The following RAPGEF3 variants were observed in gnomAD, a reference collection of about 807,000 sequenced individuals.
RAPGEF3 encodes 9330170P05Rik.
A neutral mutation model predicts 129.8 loss-of-function variants in RAPGEF3; 103 were observed. The ratio of observed to expected loss-of-function variants is 0.79; its 90% CI spans 0.68 to 0.93. The LOEUF is 0.93. RAPGEF3 is among the 40% of genes least tolerant of loss of function. The probability of loss-of-function intolerance (pLI) is 0.00; values close to 1 mark genes in which losing one functional copy is unlikely to be tolerated. For missense variants in RAPGEF3, 1,117 were observed against 1,207.4 expected (o/e 0.93, Z 1.11); for synonymous variants, 436 against 482.6 (o/e 0.90, Z 1.26).
At chr12:47,739,878 C>T in intron 23 of RAPGEF3, 1 of 564,464 alleles carries the variant, frequency 1.8e-6, no homozygotes, top group Non-Finnish European at 3.2e-6. Context: ...GCCCAGTCTT[C>T]ACACAGGATC....
Position 47,751,032 on chromosome 12 carries a change from AGGGAT to A in RAPGEF3, c.671+11_671+15del. The A allele has an allele frequency of 6.3e-7, 1 of 1,594,192 alleles. No homozygotes were observed. Among genetic ancestry groups the A allele is most frequent in the Non-Finnish European group, 8.5e-7 (1 of 1,171,470 alleles). ...TGTGAGGCCTGGGGTCACGGGGTGC[AGGGAT>A]TCTGACTCACGGCTTTCGAAGTGCC... On this transcript the variant is annotated intron_variant, in intron 6 of 27. Coordinates refer to ENST00000449771, the MANE Select transcript of RAPGEF3 (RefSeq NM_001098531.4).
In RAPGEF3 at chr12:47,738,012, C is replaced by T; in HGVS notation, c.2653+10G>A. On this transcript the variant is annotated intron_variant, in intron 27 of 27. Transcript: ENST00000449771. Reference sequence around the variant, plus strand: ...CCCTCCCTGCCCACCCACCATCGCCCACCACTTACATGTGGAAATCCTCGC... The same window carrying T: ...CCCTCCCTGCCCACCCACCATCGCCTACCACTTACATGTGGAAATCCTCGC... 1 of 1,613,420 alleles carries T rather than the reference C, an allele frequency of 6.2e-7. No homozygotes were observed. Among genetic ancestry groups the T allele is most frequent in the Non-Finnish European group, 8.5e-7 (1 of 1,179,532 alleles).
Position 47,738,083 on chromosome 12 carries a change from TGA to T in RAPGEF3, c.2590_2591del (p.Ser864ThrfsTer45). 1 of 1,611,216 alleles carries T rather than the reference TGA, an allele frequency of 6.2e-7. No individual in the cohort carries two copies. Among genetic ancestry groups the T allele is most frequent in the East Asian group, 2.2e-5 (1 of 44,682 alleles). The stretch of plus-strand genomic sequence containing the variant: ...GGTGGGAAACTCGGCTTCTGAGTGG[TGA>T]GAGAGGCACTGCGGGGGTGGGGAGG... ...HCRSHNPVPL[S>X]PLRSRVSHLH... On this transcript the variant is annotated frameshift_variant, in exon 27 of 28. Coordinates refer to ENST00000449771, the MANE Select transcript of RAPGEF3 (RefSeq NM_001098531.4). LOFTEE classifies it high-confidence loss of function.
In RAPGEF3 at chr12:47,748,488, G is replaced by A. The variant is rs2136782987; in HGVS notation, c.1209C>T (p.Ala403=). The A allele has an allele frequency of 1.2e-6, 2 of 1,613,906 alleles. No homozygotes were observed. The highest frequency in any genetic ancestry group is 2.2e-5 in the South Asian group (2 of 91,058). Residue 403 remains alanine, a synonymous_variant, in exon 12 of 28, where the codon GCC becomes GCT. Transcript: ENST00000449771. ...PEKILELLLE[A]MGPDSSAHDP... ...CATGAGCACTGGAATCTGGTCCCAT[G>A]GCCTCCAACAGAAGCTCTAGGATCT... is the stretch of plus-strand genomic sequence containing the variant.
At chr12:47,742,848 C>T (rs1289616160) in intron 18 of RAPGEF3, among the ~76,000 whole-genome samples, 10 of 152,214 alleles carry the variant, frequency 6.6e-5, no homozygotes, top group African/African-American at 2.4e-4. Context: ...TGCTCTTAAC[C>T]ATCAAGCTGA....
At chr12:47,740,036 A>G in intron 23 of RAPGEF3, 105 bp downstream of exon 23, 1 of 1,355,844 alleles carries the variant, frequency 7.4e-7, no homozygotes, top group Non-Finnish European at 1.0e-6. Flanking sequence ...GTGACAAAGG[A>G]CGAGTAGAGG....
chr12:47,758,620 C>T lies in RAPGEF3; in HGVS notation c.-64G>A, dbSNP rs1294814696. 1.2e-6 allele frequency: 2 copies of T among 1,608,572 alleles called. No individual in the cohort carries two copies. Among genetic ancestry groups the T allele is most frequent in the East Asian group, 4.5e-5 (2 of 44,818 alleles). Reference sequence around the variant, plus strand: ...AAAAGGCTGGGGGGTCCCCAGCGACCCCCATCAGCTTTGATAAGGGGATCC... The same window carrying T: ...AAAAGGCTGGGGGGTCCCCAGCGACTCCCATCAGCTTTGATAAGGGGATCC... On this transcript the variant is annotated 5_prime_UTR_variant, in exon 1 of 28. Coordinates refer to ENST00000449771, the MANE Select transcript of RAPGEF3 (RefSeq NM_001098531.4).
intron 18 of RAPGEF3, among the ~76,000 whole-genome samples, chr12:47,743,131 C>T (rs867066325): frequency 6.6e-6 from 1 of 152,222 alleles, no homozygotes; most frequent in African/African-American, 2.4e-5. Flanking sequence ...GCAGCTAATA[C>T]TTATGTATCA....
At chr12:47,752,758 T>C (rs1469214498) in intron 2 of RAPGEF3, 1 of 152,272 alleles carries the variant, frequency 6.6e-6, no homozygotes, top group Non-Finnish European at 1.5e-5. Flanking sequence ...GGCATTAGGG[T>C]GGGGCTGCTT....
chr12:47,750,490 T>G, intron 6 of RAPGEF3, 65 bp from the exon 7 acceptor site: 1 of 1,432,774 alleles, frequency 7.0e-7, no homozygotes, highest in Non-Finnish European at 9.6e-7. Context: ...AGGGAGCCAC[T>G]CCACCCACCC....
In RAPGEF3 at chr12:47,757,936, C is replaced by G. The variant is rs555142030; in HGVS notation, c.149G>C (p.Arg50Pro). 6.4e-7 allele frequency: 1 copy of G among 1,557,494 alleles called. No individual in the cohort carries two copies. Among genetic ancestry groups the G allele is most frequent in the African/African-American group, 1.4e-5 (1 of 73,672 alleles). ...CAGCTGGTAGGAGCAGCTTCGGGGC[C>G]GGTGCATCCTTCTCAACACCATGTT... Reference protein sequence around the residue: ...LLNMVLRRMHRPRSCSYQLLL... With the variant: ...LLNMVLRRMHPPRSCSYQLLL... Residue 50 changes from arginine (R) to proline (P), a missense_variant, in exon 2 of 28, where the codon CGG (arginine) becomes CCG (proline). Physicochemically the swap from Arg to Pro is moderately radical, Grantham distance 103. Transcript: ENST00000449771.
intron 27 of RAPGEF3, 141 bp downstream of exon 27, chr12:47,737,881 C>T: frequency 8.1e-7 from 1 of 1,241,928 alleles, no homozygotes; most frequent in South Asian, 1.3e-5. Context: ...GCTCAGAGCA[C>T]AGAGGCTGAA....
Position 47,758,602 on chromosome 12 carries a change from TG to T in RAPGEF3, c.-47del, listed in dbSNP as rs774314347. ...AGCCGTGCAGGCTCTAGCAAAAGGCTGGGGGGTCCCCAGCGACCCCCATCAG... is the reference window on the plus strand; with the variant it reads ...AGCCGTGCAGGCTCTAGCAAAAGGCTGGGGGTCCCCAGCGACCCCCATCAG... On this transcript the variant is annotated 5_prime_UTR_variant, in exon 1 of 28. It removes the in-frame stop codon of an upstream open reading frame in the 5' UTR. Transcript: ENST00000449771. The T allele has an allele frequency of 1.9e-6, 3 of 1,612,374 alleles. No individual in the cohort carries two copies. The highest frequency in any genetic ancestry group is 2.5e-6 in the Non-Finnish European group (3 of 1,179,208).
chr12:47,740,307 C>G lies in RAPGEF3; in HGVS notation c.2320G>C (p.Glu774Gln), dbSNP rs1162798841. 1.2e-6 allele frequency: 2 copies of G among 1,613,842 alleles called. No individual in the cohort carries two copies. Among genetic ancestry groups the G allele is most frequent in the Non-Finnish European group, 1.7e-6 (2 of 1,179,882 alleles). Residue 774 changes from glutamate to glutamine, a missense_variant and splice_region_variant, in exon 22 of 28, where the codon GAG becomes CAG. Physicochemically the swap from Glu to Gln is conservative, Grantham distance 29. Transcript: ENST00000449771. Reference sequence around the variant, plus strand: ...GGGGCCCTCCAGACCACACTTACCTCCCAGGTGTGGGCTAGGCGGCTGATG... The same window carrying G: ...GGGGCCCTCCAGACCACACTTACCTGCCAGGTGTGGGCTAGGCGGCTGATG... ...SAISRLAHTW[E>Q]RLPHKVRKLY...
chr12:47,741,389 G>T, intron 19 of RAPGEF3, 116 bp downstream of exon 19: 1 of 996,852 alleles, frequency 1.0e-6, no homozygotes, highest in Non-Finnish European at 1.6e-6. Flanking sequence ...GGACCCAGCA[G>T]CAGCCAGAGC....
chr12:47,738,668 T>C (rs2072116), intron 25 of RAPGEF3, 22 bp downstream of exon 25: 1,331,585 of 1,571,682 alleles, frequency 0.85, 565,555 homozygotes, highest in East Asian at 0.95. Context: ...TAGTAGTGAA[T>C]GCCTGCTCTC....
At chr12:47,758,274 G>A in intron 1 of RAPGEF3, 196 bp from the exon 2 acceptor site, 10 of 1,431,090 alleles carry the variant, frequency 7.0e-6, no homozygotes, top group Non-Finnish European at 8.2e-6. Context: ...GCACTTAGGG[G>A]TCTCCAGCTG....
chr12:47,741,371 T>C (rs1233555225), intron 19 of RAPGEF3, 134 bp downstream of exon 19: 1 of 851,102 alleles, frequency 1.2e-6, no homozygotes, highest in East Asian at 2.5e-5. Flanking sequence ...CACTCCTTTG[T>C]GTGCTGAGGA....
In RAPGEF3 at chr12:47,743,820, G is replaced by T. The variant is rs113039112; in HGVS notation, c.1679-144C>A. ...GGAGGCCCTGAGCAAAAAAGAGGCA[G>T]GTAGGAGGCAGATCTAGCCAGCAGC... is the stretch of plus-strand genomic sequence containing the variant. On this transcript the variant is annotated intron_variant, in intron 17 of 27. Transcript: ENST00000449771. The T allele has an allele frequency of 3.4e-5, 47 of 1,373,184 alleles. 2 individuals are homozygous for T. Among genetic ancestry groups the T allele is most frequent in the African/African-American group, 3.0e-4 (21 of 69,400 alleles). 85.1% of individuals were successfully genotyped at this position (1,373,184 alleles called of 1,614,324 possible).
Sources: allele counts gnomAD v4.1 joint callset (sites outside exome capture counted in the v4.1 genomes callset), GRCh38; gene constraint gnomAD v4.1.1; transcripts MANE v1.5; gene names NCBI Gene and HGNC (gene_info 2026-07-23, HGNC 2026-07-21).